The following DIP2B variants were observed in gnomAD, a reference collection of about 807,000 sequenced individuals.
DIP2B encodes the protein disco-interacting protein 2 homolog B.
Under a neutral mutation model 198.0 loss-of-function variants are expected in DIP2B, and 76 were observed. The observed-to-expected ratio is 0.38, with a 90% CI of 0.32 to 0.46. DIP2B has a LOEUF of 0.46. DIP2B is among the 20% of genes least tolerant of loss of function. The pLI is 0.99. For synonymous variants in DIP2B, 701 were observed against 739.1 expected (o/e 0.95, Z 0.84); for missense variants, 1,559 against 1,978.4 (o/e 0.79, Z 4.02).
chr12:50,630,175 C>T (rs1220226379), intron 2 of DIP2B, among the ~76,000 whole-genome samples: 2 of 152,072 alleles, frequency 1.3e-5, no homozygotes, highest in Non-Finnish European at 2.9e-5. Flanking sequence ...GTCTCCATCA[C>T]TTGACCTTGT....
At chr12:50,507,998 G>A (rs1451643847) in intron 1 of DIP2B, among the ~76,000 whole-genome samples, 3 of 151,490 alleles carry the variant, frequency 2.0e-5, no homozygotes, top group Non-Finnish European at 4.4e-5. Flanking sequence ...TTTTCTTTGT[G>A]CTTGCCTGTA....
At chr12:50,515,078 T>C (rs150263666) in intron 1 of DIP2B, among the ~76,000 whole-genome samples, 16 of 152,230 alleles carry the variant, frequency 1.1e-4, no homozygotes, top group African/African-American at 3.9e-4. Context: ...CTACATTTCC[T>C]TCCTCTTATT....
At chr12:50,720,365 A>T (rs1041706271) in intron 25 of DIP2B, among the ~76,000 whole-genome samples, 5 of 151,656 alleles carry the variant, frequency 3.3e-5, no homozygotes, top group African/African-American at 1.2e-4. Context: ...GGAAGTGCCT[A>T]TTGGATCTCT....
At chr12:50,706,162 A>T (rs916971526) in intron 20 of DIP2B, among the ~76,000 whole-genome samples, 1 of 152,206 alleles carries the variant, frequency 6.6e-6, no homozygotes, top group African/African-American at 2.4e-5. Context: ...CCAACAGTAA[A>T]TGAATACATT....
At chr12:50,612,738 A>G (rs565662651) in intron 1 of DIP2B, among the ~76,000 whole-genome samples, 1 of 152,342 alleles carries the variant, frequency 6.6e-6, no homozygotes, top group Admixed American at 6.5e-5. Context: ...CTTTCCCATA[A>G]TAACTTTGAA....
intron 15 of DIP2B, among the ~76,000 whole-genome samples, 199 bp downstream of exon 15, chr12:50,695,559 T>A (rs1939296059): frequency 6.6e-6 from 1 of 152,220 alleles, no homozygotes; most frequent in Non-Finnish European, 1.5e-5. Flanking sequence ...TTTTTCCAAA[T>A]GCGAGCCTTG....
At chr12:50,521,094 GTT>G (rs386376482) in intron 1 of DIP2B, among the ~76,000 whole-genome samples, 2,198 of 94,032 alleles carry the variant, frequency 0.023, 26 homozygotes, top group African/African-American at 0.05. Flanking sequence ...TTCAGCAACA[GTT>G]TTTTTTTTTT....
intron 16 of DIP2B, among the ~76,000 whole-genome samples, chr12:50,696,777 G>A (rs376529524): frequency 6.6e-6 from 1 of 152,202 alleles, no homozygotes; most frequent in South Asian, 2.1e-4. Flanking sequence ...ATTGCCTGCA[G>A]TGTTATCTCT....
intron 1 of DIP2B, among the ~76,000 whole-genome samples, chr12:50,550,435 G>A (rs1278666578): frequency 3.3e-5 from 5 of 152,050 alleles, no homozygotes; most frequent in Non-Finnish European, 7.4e-5. Context: ...CTAAAAGAAC[G>A]ATTAGACTCT....
chr12:50,604,603 A>T (rs4238107), intron 1 of DIP2B, among the ~76,000 whole-genome samples: 32,187 of 152,028 alleles, frequency 0.21, 3,983 homozygotes, highest in East Asian at 0.36. Flanking sequence ...GACTGCAGGC[A>T]CATGCTGCCA....
chr12:50,518,223 CTT>C (rs11303099), intron 1 of DIP2B, among the ~76,000 whole-genome samples: 467 of 132,502 alleles, frequency 3.5e-3, no homozygotes, highest in Middle Eastern at 4.0e-3. Context: ...TCTTGGGCAA[CTT>C]TTTTTTTTTT....
At chr12:50,659,117 C>T (rs1465578157) in intron 3 of DIP2B, among the ~76,000 whole-genome samples, 1 of 152,096 alleles carries the variant, frequency 6.6e-6, no homozygotes, top group African/African-American at 2.4e-5. Context: ...CATAGGCTAC[C>T]TTAAATAGCT....
rs1940338399 is a variant in DIP2B, at chr12:50,746,117, C to G, written c.*1278C>G. The G allele has an allele frequency of 1.3e-5, 2 of 152,188 alleles. No homozygotes were observed. The highest frequency in any genetic ancestry group is 2.9e-5 in the Non-Finnish European group (2 of 68,026). The allele number at this position is 152,188 out of a possible 1,614,324, so 9.4% of individuals were successfully genotyped here. ...AAACTCTTTTGAAATAACTTTGGTGCCCAGGCCAAGTAGAATGAGATGAGA... is the reference window on the plus strand; with the variant it reads ...AAACTCTTTTGAAATAACTTTGGTGGCCAGGCCAAGTAGAATGAGATGAGA... On this transcript the variant is annotated 3_prime_UTR_variant, in exon 38 of 38. Coordinates refer to ENST00000301180, the MANE Select transcript of DIP2B (RefSeq NM_173602.3).
chr12:50,670,525 C>T (rs907643113), intron 4 of DIP2B, among the ~76,000 whole-genome samples: 1 of 152,102 alleles, frequency 6.6e-6, no homozygotes, highest in Non-Finnish European at 1.5e-5. Flanking sequence ...AAACGATTCT[C>T]CTGCTTCAGC....
At chr12:50,664,830 GTTTTTGTTTTTTTTTTTTTTTTTTTTTTT>G (rs1938720350) in intron 4 of DIP2B, among the ~76,000 whole-genome samples, 2 of 99,686 alleles carry the variant, frequency 2.0e-5, no homozygotes, top group African/African-American at 8.3e-5. Context: ...TCCTTTTTTG[GTTTTTGTTTTTTTTTTTTTTTTTTTTTTT>G]TTTTTTTTTT....
chr12:50,622,146 G>A lies in DIP2B; in HGVS notation c.101-3830G>A, dbSNP rs368544912. Among the ~76,000 whole-genome samples the A allele has an allele frequency of 4.7e-4, 71 of 152,264 alleles. No homozygotes were observed. The South Asian group carries it at 0.014, about 30-fold the overall frequency. On this transcript the variant is annotated intron_variant, in intron 1 of 37. Transcript: ENST00000301180. ...GGAGGTAGGAGATCTTGTGAGTGGC[G>A]AATGGAACAGAAGAATGCTTTGGTA...
At chr12:50,720,989 A>G (rs771450208) in intron 25 of DIP2B, among the ~76,000 whole-genome samples, 3 of 151,864 alleles carry the variant, frequency 2.0e-5, no homozygotes, top group Non-Finnish European at 2.9e-5. Context: ...TTGTATTTTT[A>G]GTGGAGAGGA....
At chr12:50,720,426 A>ATT (rs199799937) in intron 25 of DIP2B, among the ~76,000 whole-genome samples, 55 of 142,056 alleles carry the variant, frequency 3.9e-4, no homozygotes, top group Non-Finnish European at 6.6e-4. Flanking sequence ...CTGGAATCTG[A>ATT]TTTTTTTTTT....
intron 23 of DIP2B, among the ~76,000 whole-genome samples, chr12:50,717,596 T>C (rs1178110179): frequency 6.6e-6 from 1 of 151,988 alleles, no homozygotes; most frequent in Non-Finnish European, 1.5e-5. Context: ...CTCGGTCTCC[T>C]GACCTTGTGA....
Sources: allele counts gnomAD v4.1 joint callset (sites outside exome capture counted in the v4.1 genomes callset), GRCh38; gene constraint gnomAD v4.1.1; transcripts MANE v1.5; gene names NCBI Gene and HGNC (gene_info 2026-07-23, HGNC 2026-07-21).